TMEM248: variants seen among roughly 807,000 people sequenced by gnomAD.
TMEM248 encodes the protein transmembrane protein 248.
TMEM248 carries 9 observed loss-of-function variants against 30.3 expected under a neutral mutation model. The ratio of observed to expected loss-of-function variants is 0.30; its 90% CI spans 0.18 to 0.52. The LOEUF (loss-of-function observed/expected upper bound fraction) is 0.52. Among genes scored for constraint, TMEM248 ranks in the 20% least tolerant of loss-of-function variants. The pLI is 0.97. For missense variants in TMEM248, 338 were observed against 403.3 expected (o/e 0.84, Z 1.39); for synonymous variants, 184 against 154.4 (o/e 1.19, Z -1.42).
chr7:66,937,547 A>G (rs765703256), intron 1 of TMEM248, among the ~76,000 whole-genome samples: 15 of 152,164 alleles, frequency 9.9e-5, no homozygotes, highest in Non-Finnish European at 1.6e-4. Flanking sequence ...TGTTGGGTAC[A>G]TATATATTTA....
At chr7:66,950,865 A>AGT in intron 4 of TMEM248, 87 bp from the exon 5 acceptor site, 1 of 1,117,712 alleles carries the variant, frequency 8.9e-7, no homozygotes, top group Non-Finnish European at 1.2e-6. Flanking sequence ...TGCCGTGTTC[A>AGT]GTGTTTTACC....
Position 66,957,292 on chromosome 7 carries a change from C to T in TMEM248, c.*1770C>T, listed in dbSNP as rs1359948294. The T allele has an allele frequency of 1.3e-5, 2 of 152,260 alleles. No individual in the cohort carries two copies. Among genetic ancestry groups the T allele is most frequent in the Non-Finnish European group, 2.9e-5 (2 of 68,024 alleles). The allele number at this position is 152,260 out of a possible 1,614,324, so 9.4% of individuals were successfully genotyped here. ...ATACATTGGCCTAGAACATTTTATC[C>T]CAGGCATTTTTGAATAGAAAACAGT... On this transcript the variant is annotated 3_prime_UTR_variant, in exon 7 of 7. Coordinates refer to ENST00000341567, the MANE Select transcript of TMEM248 (RefSeq NM_017994.5).
chr7:66,954,130 T>TA (rs914856846), intron 6 of TMEM248, among the ~76,000 whole-genome samples: 3 of 147,748 alleles, frequency 2.0e-5, no homozygotes, highest in African/African-American at 7.5e-5. Context: ...TTTTAGTAGA[T>TA]ACAGGGTTTC....
chr7:66,942,913 G>T (rs1024313050), intron 2 of TMEM248, among the ~76,000 whole-genome samples: 5 of 151,350 alleles, frequency 3.3e-5, no homozygotes, highest in South Asian at 4.2e-4. Flanking sequence ...CGTGGTTGCC[G>T]CATTGAGTGT....
At chr7:66,952,572 C>G (rs374995962) in intron 5 of TMEM248, among the ~76,000 whole-genome samples, 1 of 152,156 alleles carries the variant, frequency 6.6e-6, no homozygotes, top group South Asian at 2.1e-4. Context: ...TGGGGGAGCC[C>G]AGAGCTGTCC....
intron 5 of TMEM248, among the ~76,000 whole-genome samples, chr7:66,951,950 C>T (rs1304695451): frequency 6.6e-6 from 1 of 152,192 alleles, no homozygotes; most frequent in Non-Finnish European, 1.5e-5. Flanking sequence ...GTATGAGCCG[C>T]TGCACCTGGC....
At chr7:66,927,046 C>G (rs1044426114) in intron 1 of TMEM248, among the ~76,000 whole-genome samples, 2 of 152,082 alleles carry the variant, frequency 1.3e-5, no homozygotes, top group African/African-American at 2.4e-5. Flanking sequence ...GACTTGTTTT[C>G]TTAAAAATTA....
rs561024231 is a variant in TMEM248, at chr7:66,932,663, C to T, written c.-18-9185C>T. 1.7e-4 allele frequency among the ~76,000 whole-genome samples: 25 copies of T among 147,514 alleles called. 1 individual carries two copies. Among genetic ancestry groups the T allele is most frequent in the African/African-American group, 5.6e-4 (23 of 41,010 alleles). ...CCCAATAGCTGGGATTACAGGCGCA[C>T]GCTGCCACTCCCGGCTAATTTGTTG... On this transcript the variant is annotated intron_variant, in intron 1 of 6. Coordinates refer to ENST00000341567, the MANE Select transcript of TMEM248 (RefSeq NM_017994.5).
intron 1 of TMEM248, among the ~76,000 whole-genome samples, chr7:66,933,873 C>T (rs1013807633): frequency 2.0e-5 from 3 of 152,158 alleles, no homozygotes; most frequent in African/African-American, 7.2e-5. Context: ...TCATTTCTTT[C>T]TTCATCTTGG....
intron 6 of TMEM248, 88 bp downstream of exon 6, chr7:66,953,457 G>A: frequency 6.6e-7 from 1 of 1,510,886 alleles, no homozygotes. Flanking sequence ...ATTTATTGTG[G>A]GTGGCACCTT....
intron 2 of TMEM248, among the ~76,000 whole-genome samples, chr7:66,943,303 C>G (rs1004506768): frequency 6.6e-6 from 1 of 152,200 alleles, no homozygotes; most frequent in Non-Finnish European, 1.5e-5. Flanking sequence ...TGGCCAAGGC[C>G]AGTGGTTGCA....
chr7:66,923,143 A>T (rs920335497), intron 1 of TMEM248, among the ~76,000 whole-genome samples: 5 of 150,956 alleles, frequency 3.3e-5, no homozygotes, highest in African/African-American at 1.2e-4. Context: ...AGGATCAGAA[A>T]CTAACTTTTT....
At chr7:66,941,757 C>A in intron 1 of TMEM248, 91 bp from the exon 2 acceptor site, 1 of 1,147,324 alleles carries the variant, frequency 8.7e-7, no homozygotes, top group Non-Finnish European at 1.2e-6. Flanking sequence ...TCCCACCCAG[C>A]TCACCCCCCA....
chr7:66,924,200 A>C (rs1214263053), intron 1 of TMEM248, among the ~76,000 whole-genome samples: 1 of 152,214 alleles, frequency 6.6e-6, no homozygotes, highest in African/African-American at 2.4e-5. Context: ...CTCTGGCTAC[A>C]GCCAAAGGAT....
chr7:66,930,785 G>A (rs1791643054), intron 1 of TMEM248: 1 of 152,564 alleles, frequency 6.6e-6, no homozygotes, highest in African/African-American at 2.4e-5. Context: ...CTAGGCTCAG[G>A]GTTTGTAACC....
chr7:66,944,103 CTTTTT>C, intron 2 of TMEM248, among the ~76,000 whole-genome samples: 1 of 112,372 alleles, frequency 8.9e-6, no homozygotes, highest in South Asian at 3.1e-4. Context: ...CCTCAGATGG[CTTTTT>C]TTTTTTTTTT....
intron 1 of TMEM248, among the ~76,000 whole-genome samples, chr7:66,940,999 C>T (rs138789236): frequency 0.012 from 1,766 of 152,216 alleles, 21 homozygotes; most frequent in Non-Finnish European, 0.016. Context: ...CTTGCAATCC[C>T]AGAACTTTGG....
chr7:66,939,505 A>G (rs1791891445), intron 1 of TMEM248, among the ~76,000 whole-genome samples: 1 of 152,246 alleles, frequency 6.6e-6, no homozygotes, highest in African/African-American at 2.4e-5. Context: ...TTTTGTCTCT[A>G]AAATTTAAAC....
At chr7:66,949,332 T>C (rs1164606004) in intron 4 of TMEM248, among the ~76,000 whole-genome samples, 3 of 151,676 alleles carry the variant, frequency 2.0e-5, no homozygotes, top group African/African-American at 2.4e-5. Context: ...ACTAAAAATA[T>C]AAAAATTAGC....
Sources: allele counts gnomAD v4.1 joint callset (sites outside exome capture counted in the v4.1 genomes callset), GRCh38; gene constraint gnomAD v4.1.1; transcripts MANE v1.5; gene names NCBI Gene and HGNC (gene_info 2026-07-23, HGNC 2026-07-21).